Variants in CPAMD8 observed in about 807,000 individuals in gnomAD.
The protein encoded by CPAMD8 is C3 and PZP-like alpha-2-macroglobulin domain-containing protein 8.
A neutral mutation model predicts 224.7 loss-of-function variants in CPAMD8; 146 were observed. The ratio of observed to expected loss-of-function variants is 0.65; its 90% CI spans 0.57 to 0.75. The LOEUF is 0.75. CPAMD8 is among the 30% of genes least tolerant of loss of function. The probability of loss-of-function intolerance (pLI) is 0.00; values close to 1 mark genes in which losing one functional copy is unlikely to be tolerated. For missense variants in CPAMD8, 2,301 were observed against 2,537.5 expected (o/e 0.91, Z 2.00); for synonymous variants, 966 against 1,044.6 (o/e 0.92, Z 1.45).
At chr19:16,906,566 G>A (rs1035607099) in intron 30 of CPAMD8, among the ~76,000 whole-genome samples, 6 of 151,208 alleles carry the variant, frequency 4.0e-5, no homozygotes, top group African/African-American at 1.5e-4. Flanking sequence ...ACCACACCCA[G>A]CTAATTTTTG....
Position 16,914,476 on chromosome 19 carries a change from G to T in CPAMD8, c.3809C>A (p.Pro1270Gln), listed in dbSNP as rs756094582. The change falls in exon 29 of 42, where the codon CCG (proline) becomes CAG (glutamine). Residue 1270 changes from proline to glutamine, a missense_variant. Around this residue, in one of 4 missense-constraint regions of CPAMD8, gnomAD observed 1,709 missense variants for 1,753.2 expected, o/e 0.97. Coordinates refer to ENST00000443236, the MANE Select transcript of CPAMD8 (RefSeq NM_015692.5). ...AGCAACCACCACGTAGGCTGTCAGC[G>T]GGACAGTGCCGTGGATCCCACCCTG... ...DIQGGIHGTV[P>Q]LTAYVVVALL... The T allele has an allele frequency of 1.4e-5, 23 of 1,614,042 alleles. No homozygotes were observed. The highest frequency in any genetic ancestry group is 1.9e-5 in the Non-Finnish European group (23 of 1,180,024).
Position 16,896,207 on chromosome 19 carries a change from C to G in CPAMD8, c.5395G>C (p.Asp1799His), listed in dbSNP as rs779253119. ...NGAGLEVEDS[D>H]PEPEGEAEDR... ...TCCGCCTCCCCTTCAGGCTCAGGGT[C>G]TGAGTCCTCCACCTCAAGGCCGGCT... Residue 1799 changes from aspartate (D) to histidine (H), a missense_variant, in exon 41 of 42, where the codon GAC (aspartate) becomes CAC (histidine). Coordinates refer to ENST00000443236, the MANE Select transcript of CPAMD8 (RefSeq NM_015692.5). The G allele has an allele frequency of 6.2e-7, 1 of 1,613,888 alleles. No homozygotes were observed. Among genetic ancestry groups the G allele is most frequent in the South Asian group, 1.1e-5 (1 of 91,080 alleles).
intron 3 of CPAMD8, among the ~76,000 whole-genome samples, chr19:17,019,440 A>C (rs150042053): frequency 1.1e-3 from 168 of 152,242 alleles, no homozygotes; most frequent in Admixed American, 2.6e-3. Context: ...TGTGTCCTTT[A>C]ACTGAAACTA....
At chr19:16,995,603 G>A (rs2056098310) in intron 11 of CPAMD8, among the ~76,000 whole-genome samples, 1 of 152,154 alleles carries the variant, frequency 6.6e-6, no homozygotes, top group Admixed American at 6.6e-5. Context: ...ATTTCACCAT[G>A]TTGGCCAGGT....
chr19:16,981,356 G>A (rs2055508730), intron 13 of CPAMD8, among the ~76,000 whole-genome samples: 1 of 150,618 alleles, frequency 6.6e-6, no homozygotes, highest in African/African-American at 2.5e-5. Flanking sequence ...GTGAGACCCT[G>A]TCTCCAAAAA....
chr19:16,945,616 T>G lies in CPAMD8; in HGVS notation c.2726A>C (p.Glu909Ala). 1 of 1,614,238 alleles carries G rather than the reference T, an allele frequency of 6.2e-7. No homozygotes were observed. The highest frequency in any genetic ancestry group is 8.5e-7 in the Non-Finnish European group (1 of 1,180,032). Reference protein sequence around the residue: ...CRDGRSSKHPEENHADRRVPI... With the variant: ...CRDGRSSKHPAENHADRRVPI... ...GACCCTCCTGTCGGCGTGATTCTCC[T>G]CAGGGTGTTTGCTGGACCTCCCATC... is the stretch of plus-strand genomic sequence containing the variant. The change falls in exon 22 of 42, where the codon GAG becomes GCG. Residue 909 changes from glutamate (E) to alanine (A), a missense_variant. By Grantham distance (107) the Glu-to-Ala change is moderately radical. Around this residue, in one of 4 missense-constraint regions of CPAMD8, gnomAD observed 1,709 missense variants for 1,753.2 expected, o/e 0.97. Transcript: ENST00000443236.
intron 8 of CPAMD8, among the ~76,000 whole-genome samples, chr19:17,003,262 G>A (rs1275324259): frequency 6.6e-6 from 1 of 150,954 alleles, no homozygotes; most frequent in African/African-American, 2.4e-5. Flanking sequence ...GAATAGTGGT[G>A]CAATCACAGT....
chr19:17,017,258 G>A (rs2056837059), intron 3 of CPAMD8, among the ~76,000 whole-genome samples: 1 of 152,176 alleles, frequency 6.6e-6, no homozygotes, highest in South Asian at 2.1e-4. Context: ...TCTAGTTGAA[G>A]GAAAACAAGC....
At chr19:16,915,069 C>T (rs760511477) in intron 27 of CPAMD8, among the ~76,000 whole-genome samples, 4 of 152,246 alleles carry the variant, frequency 2.6e-5, no homozygotes, top group South Asian at 2.1e-4. Context: ...CAGGTCTGCT[C>T]CTTGCTCGGC....
chr19:16,904,694 A>G, intron 30 of CPAMD8, 142 bp from the exon 31 acceptor site: 1 of 670,928 alleles, frequency 1.5e-6, no homozygotes, highest in South Asian at 1.7e-5. Flanking sequence ...AGACAGCTGG[A>G]ACAGGAAGGG....
intron 20 of CPAMD8, among the ~76,000 whole-genome samples, chr19:16,950,902 C>G (rs901783846): frequency 6.6e-6 from 1 of 151,708 alleles, no homozygotes; most frequent in Non-Finnish European, 1.5e-5. Flanking sequence ...TGCCTTCACA[C>G]TTCTTCTCGT....
chr19:16,907,606 CAAA>C (rs374664610), intron 29 of CPAMD8: 66 of 128,334 alleles, frequency 5.1e-4, no homozygotes, highest in Admixed American at 7.5e-4. Flanking sequence ...GGCTCCGTCT[CAAA>C]AAAAAAAAAA....
At position 16,950,225 on chromosome 19, in the gene CPAMD8, G is replaced by A. The variant is rs188140829; in HGVS notation, c.2508+1744C>T. 7.6e-4 allele frequency among the ~76,000 whole-genome samples: 115 copies of A among 152,284 alleles called. 1 individual carries two copies. Among genetic ancestry groups the A allele is most frequent in the Admixed American group, 1.8e-3 (28 of 15,282 alleles). On this transcript the variant is annotated intron_variant, in intron 20 of 41. Coordinates refer to ENST00000443236, the MANE Select transcript of CPAMD8 (RefSeq NM_015692.5). ...AGGCAGGAGAATCGCTTGAACCCGG[G>A]AGGCGGAGGTTGCAGTGAGCCAAGA...
intron 3 of CPAMD8, among the ~76,000 whole-genome samples, chr19:17,014,306 G>A (rs984160581): frequency 9.9e-5 from 15 of 152,020 alleles, no homozygotes; most frequent in East Asian, 5.8e-4. Context: ...TGATCCTCCC[G>A]ACTCAGCCTC....
intron 14 of CPAMD8, among the ~76,000 whole-genome samples, chr19:16,980,194 C>T (rs1322513569): frequency 4.6e-5 from 7 of 152,086 alleles, no homozygotes; most frequent in Admixed American, 3.9e-4. Context: ...TAGGCAGAAC[C>T]GCCTGGGCAA....
rs776847658 is a variant in CPAMD8, at chr19:16,989,619, A to G, written c.1395+24T>C. On this transcript the variant is annotated intron_variant, in intron 13 of 41. Transcript: ENST00000443236. ...CTTTTTGGATCCCGCATGGCCCAGG[A>G]AGGGTAGCTCCTGAAAATCTTACCT... 35 of 1,610,344 alleles carry G rather than the reference A, an allele frequency of 2.2e-5. No homozygotes were observed. In the African/African-American group the frequency reaches 4.3e-4, roughly 20 times the overall value.
chr19:17,006,163 T>A (rs1476224886), intron 7 of CPAMD8, among the ~76,000 whole-genome samples: 1 of 152,108 alleles, frequency 6.6e-6, no homozygotes, highest in Non-Finnish European at 1.5e-5. Context: ...GGTTTCCCCA[T>A]GTTGGCCAGG....
rs2144951161 is a variant in CPAMD8, at chr19:16,927,908, A to T, written c.3370+101T>A. 5 of 856,542 alleles carry T rather than the reference A, an allele frequency of 5.8e-6. No homozygotes were observed. The Middle Eastern group carries it at 1.4e-3, about 234-fold the overall frequency. The allele number at this position is 856,542 out of a possible 1,614,324, so 53.1% of individuals were successfully genotyped here. On this transcript the variant is annotated intron_variant, in intron 25 of 41. Coordinates refer to ENST00000443236, the MANE Select transcript of CPAMD8 (RefSeq NM_015692.5). Reference sequence around the variant, plus strand: ...TGGGTGTATGGGTGGACACCCCAAGACACAGGTCCCCAGCAAAGCCCAGCT... The same window carrying T: ...TGGGTGTATGGGTGGACACCCCAAGTCACAGGTCCCCAGCAAAGCCCAGCT...
rs115708182 is a variant in CPAMD8 at position 16,982,326 on chromosome 19, G to A, written c.1396-1640C>T. Among the ~76,000 whole-genome samples, 1,481 of 151,852 alleles carry A rather than the reference G, an allele frequency of 9.8e-3. 23 individuals carry two copies. Among genetic ancestry groups the A allele is most frequent in the African/African-American group, 0.032 (1,308 of 41,412 alleles). On this transcript the variant is annotated intron_variant, in intron 13 of 41. Coordinates refer to ENST00000443236, the MANE Select transcript of CPAMD8 (RefSeq NM_015692.5). ...AAGGATCACTTGAGCCAGGGAGGTC[G>A]ATGTGCGGTGAGTCATGATCATGCC...
Sources: allele counts gnomAD v4.1 joint callset (sites outside exome capture counted in the v4.1 genomes callset), GRCh38; gene constraint gnomAD v4.1.1; regional missense constraint gnomAD v4.1.1; transcripts MANE v1.5; gene names NCBI Gene and HGNC (gene_info 2026-07-23, HGNC 2026-07-21).